ABCC1: variants seen among roughly 807,000 people sequenced by gnomAD.
ABCC1 encodes ATP binding cassette subfamily C member 1 (ABCC1 blood group).
ABCC1 carries 83 observed loss-of-function variants against 172.9 expected under a neutral mutation model. The observed-to-expected ratio is 0.48, with a 90% CI of 0.40 to 0.58. The LOEUF (loss-of-function observed/expected upper bound fraction) is 0.58, where lower values mean the gene tolerates loss of function less well. ABCC1 is among the 20% of genes least tolerant of loss of function. ABCC1 has a pLI of 0.00. For synonymous variants in ABCC1, 937 were observed against 825.2 expected, an observed-to-expected ratio of 1.14 and a Z score of -2.32; for missense variants, 1,817 against 2,002.7, an observed-to-expected ratio of 0.91 and a Z score of 1.77.
chr16:16,036,565 G>C lies in ABCC1; in HGVS notation c.771G>C (p.Leu257Phe). 6.2e-7 allele frequency: 1 copy of C among 1,614,078 alleles called. No homozygotes were observed. The change falls in exon 7 of 31, where the codon TTG (leucine) becomes TTC (phenylalanine). Residue 257 changes from leucine (L) to phenylalanine (F), a missense_variant. By Grantham distance (22) the Leu-to-Phe change is conservative (BLOSUM62 0). Around this residue, in one of 3 missense-constraint regions of ABCC1, gnomAD observed 398 missense variants for 384.2 expected, o/e 1.04. Coordinates refer to ENST00000399410, the MANE Select transcript of ABCC1 (RefSeq NM_004996.4). Reference protein sequence around the residue: ...EDTSEQVVPVLVKNWKKECAK... With the variant: ...EDTSEQVVPVFVKNWKKECAK... ...CGTCGGAACAAGTCGTGCCTGTTTTGGTAAAGAACTGGAAGAAGGAATGCG... is the reference window on the plus strand; with the variant it reads ...CGTCGGAACAAGTCGTGCCTGTTTTCGTAAAGAACTGGAAGAAGGAATGCG...
chr16:16,032,517 A>C (rs965624831), intron 5 of ABCC1, among the ~76,000 whole-genome samples: 1 of 152,194 alleles, frequency 6.6e-6, no homozygotes, highest in African/African-American at 2.4e-5. Flanking sequence ...TGCTCAGGAA[A>C]TACTTGTTGG....
At chr16:16,124,405 G>GTGTGTA (rs970538486) in intron 24 of ABCC1, among the ~76,000 whole-genome samples, 1 of 149,304 alleles carries the variant, frequency 6.7e-6, no homozygotes, top group Non-Finnish European at 1.5e-5. Context: ...GTGTGTGTGT[G>GTGTGTA]TGTGTATGTG....
At chr16:16,086,747 C>T (rs543844361) in intron 17 of ABCC1, 77 bp from the exon 18 acceptor site, 12 of 1,539,944 alleles carry the variant, frequency 7.8e-6, no homozygotes, top group Non-Finnish European at 7.9e-6. Context: ...GGGATCACAC[C>T]ACACTCGGCC....
chr16:16,137,273 G>C (rs1489844861), intron 29 of ABCC1, among the ~76,000 whole-genome samples: 1 of 152,128 alleles, frequency 6.6e-6, no homozygotes, highest in African/African-American at 2.4e-5. Flanking sequence ...GCTGGCTGTT[G>C]GCTGATCTCG....
intron 23 of ABCC1, among the ~76,000 whole-genome samples, chr16:16,116,528 C>T (rs2044876756): frequency 1.3e-5 from 2 of 151,792 alleles, no homozygotes; most frequent in South Asian, 4.2e-4. Flanking sequence ...AACAATATGC[C>T]AGTATCACTA....
intron 2 of ABCC1, among the ~76,000 whole-genome samples, chr16:16,009,234 C>T (rs993044111): frequency 1.3e-5 from 2 of 152,198 alleles, no homozygotes; most frequent in South Asian, 2.1e-4. Flanking sequence ...GCTGGTATTA[C>T]AGGCATGAAT....
intron 1 of ABCC1, among the ~76,000 whole-genome samples, chr16:15,985,312 G>A (rs1030998133): frequency 6.6e-6 from 1 of 152,200 alleles, no homozygotes; most frequent in Non-Finnish European, 1.5e-5. Flanking sequence ...TCAGTCTGAT[G>A]TCAAGGCAGG....
chr16:16,025,774 A>G (rs1239221552), intron 5 of ABCC1, among the ~76,000 whole-genome samples: 2 of 152,226 alleles, frequency 1.3e-5, no homozygotes, highest in African/African-American at 4.8e-5. Flanking sequence ...TGGATGCCAA[A>G]GAACACATCA....
chr16:16,039,760 G>A (rs1229450430), intron 7 of ABCC1, among the ~76,000 whole-genome samples: 1 of 152,120 alleles, frequency 6.6e-6, no homozygotes, highest in Non-Finnish European at 1.5e-5. Flanking sequence ...TTTTGAGAAG[G>A]TCACATTTGA....
chr16:16,123,853 A>C lies in ABCC1; in HGVS notation c.3591-936A>C, dbSNP rs549267769. Among the ~76,000 whole-genome samples the C allele has an allele frequency of 1.7e-3, 252 of 151,990 alleles. 2 individuals carry two copies. The highest frequency in any genetic ancestry group is 2.7e-3 in the Admixed American group (41 of 15,254). On this transcript the variant is annotated intron_variant, in intron 24 of 30. Coordinates refer to ENST00000399410, the MANE Select transcript of ABCC1 (RefSeq NM_004996.4). ...CTAGGGAGACCCTGTCTCTAAAAAC[A>C]AAACAAAAAACCAAAAATTTGCCAG...
rs539640768 is a variant in ABCC1 at position 15,958,934 on chromosome 16, A to T, written c.48+9135A>T. Among the ~76,000 whole-genome samples, 4 of 152,064 alleles carry T rather than the reference A, an allele frequency of 2.6e-5. No homozygotes were observed. In the South Asian group the frequency reaches 8.3e-4, roughly 32 times the overall value. On this transcript the variant is annotated intron_variant, in intron 1 of 30. Transcript: ENST00000399410. ...AGTCTTAGCCCCAAACCTGGCCTCT[A>T]CCCCCTAGTAGATGCTGGTAGCACC...
intron 12 of ABCC1, 66 bp downstream of exon 12, chr16:16,056,361 T>C (rs2049654988): frequency 1.9e-6 from 3 of 1,564,222 alleles, no homozygotes; most frequent in Non-Finnish European, 2.6e-6. Context: ...CGTACCTGAA[T>C]ATTTTTAAAA....
intron 18 of ABCC1, among the ~76,000 whole-genome samples, chr16:16,089,641 A>G (rs1274715219): frequency 6.6e-6 from 1 of 152,060 alleles, no homozygotes; most frequent in Non-Finnish European, 1.5e-5. Flanking sequence ...AGGCCAAGAT[A>G]GGCAGATTGC....
At chr16:15,973,509 C>T (rs2046415515) in intron 1 of ABCC1, among the ~76,000 whole-genome samples, 1 of 152,058 alleles carries the variant, frequency 6.6e-6, no homozygotes, top group South Asian at 2.1e-4. Flanking sequence ...GGACGCAATC[C>T]ACCTGCTGCC....
chr16:15,989,540 G>C (rs1372237550), intron 1 of ABCC1, among the ~76,000 whole-genome samples: 1 of 152,140 alleles, frequency 6.6e-6, no homozygotes. Context: ...CCTTTTCTCA[G>C]CTTCCCTTGG....
chr16:15,982,234 C>T (rs1307396553), intron 1 of ABCC1, among the ~76,000 whole-genome samples: 4 of 152,118 alleles, frequency 2.6e-5, no homozygotes, highest in African/African-American at 4.8e-5. Context: ...TACAGTAGCA[C>T]CCCACTCCCA....
chr16:16,104,011 C>T lies in ABCC1; in HGVS notation c.2735+1294C>T, dbSNP rs45608831. 2.0e-3 allele frequency among the ~76,000 whole-genome samples: 299 copies of T among 152,110 alleles called. 1 individual carries two copies. The highest frequency in any genetic ancestry group is 6.9e-3 in the African/African-American group (285 of 41,506). On this transcript the variant is annotated intron_variant, in intron 20 of 30. Coordinates refer to ENST00000399410, the MANE Select transcript of ABCC1 (RefSeq NM_004996.4). ...TCAGGAGTGAAGCTGCAGACCTTCG[C>T]GGTAAGTGTTACAGCTCTTAAGGTG...
chr16:16,133,377 T>TGTTTTC (rs2152144230), intron 27 of ABCC1, among the ~76,000 whole-genome samples: 1 of 139,232 alleles, frequency 7.2e-6, no homozygotes, highest in South Asian at 2.1e-4. Flanking sequence ...TGTCTTTTTT[T>TGTTTTC]GTTTTTGTTT....
chr16:16,105,021 C>T (rs1380883099), intron 20 of ABCC1, among the ~76,000 whole-genome samples: 1 of 152,178 alleles, frequency 6.6e-6, no homozygotes, highest in Non-Finnish European at 1.5e-5. Flanking sequence ...TCCACACCTC[C>T]CCGCAAGCTG....
Sources: allele counts gnomAD v4.1 joint callset (sites outside exome capture counted in the v4.1 genomes callset), GRCh38; gene constraint gnomAD v4.1.1; regional missense constraint gnomAD v4.1.1; transcripts MANE v1.5; gene names NCBI Gene and HGNC (gene_info 2026-07-23, HGNC 2026-07-21).